Variants in LRRC63 observed in about 807,000 individuals in gnomAD.
LRRC63 encodes the protein leucine rich repeat containing 63.
LRRC63 carries 40 observed loss-of-function variants against 49.5 expected under a neutral mutation model. That is an observed-to-expected ratio of 0.81 (90% confidence interval 0.63 to 1.05). The LOEUF is 1.05. Ranked by LOEUF, LRRC63 falls within the 50% of genes least tolerant of loss-of-function variation. The pLI, the probability that LRRC63 is intolerant of heterozygous loss-of-function variation, is 0.00. For synonymous variants in LRRC63, 191 were observed against 221.1 expected (o/e 0.86, Z 1.21); for missense variants, 636 against 663.1 (o/e 0.96, Z 0.45).
At chr13:46,243,646 G>A (rs1010105008) in intron 5 of LRRC63, among the ~76,000 whole-genome samples, 8 of 152,124 alleles carry the variant, frequency 5.3e-5, no homozygotes, top group African/African-American at 1.9e-4. Context: ...AGTCAAGAAT[G>A]GTAAGACAAG....
At chr13:46,257,003 A>G (rs1410668881) in intron 7 of LRRC63, among the ~76,000 whole-genome samples, 1 of 152,248 alleles carries the variant, frequency 6.6e-6, no homozygotes, top group Admixed American at 6.5e-5. Flanking sequence ...ATCTTAAAGT[A>G]GGGAGATTAT....
At chr13:46,227,628 A>G (rs1024080934) in exon 3 of LRRC63, 13 of 1,550,086 alleles carry the variant, frequency 8.4e-6, no homozygotes, top group Non-Finnish European at 1.1e-5. Context: ...ACTAACACCT[A>G]TCAATATCCA....
intron 8 of LRRC63, among the ~76,000 whole-genome samples, chr13:46,265,021 G>A (rs930438354): frequency 2.6e-5 from 4 of 152,188 alleles, no homozygotes; most frequent in African/African-American, 7.2e-5. Context: ...GCCAGGCGTG[G>A]TGGTGGTGGA....
chr13:46,215,196 C>T (rs1267221934), intron 2 of LRRC63, among the ~76,000 whole-genome samples: 1 of 152,210 alleles, frequency 6.6e-6, no homozygotes, highest in Non-Finnish European at 1.5e-5. Flanking sequence ...ATACTGTCTT[C>T]CACAATGGTT....
rs558122272 is a variant in LRRC63, at chr13:46,266,979, A to G, written c.1550+7A>G. 156 of 1,519,790 alleles carry G rather than the reference A, an allele frequency of 1.0e-4. 1 individual carries two copies. The African/African-American group carries it at 1.8e-3, about 18-fold the overall frequency. 94.1% of individuals were successfully genotyped at this position (1,519,790 alleles called of 1,614,324 possible). On this transcript the variant is annotated splice_region_variant and intron_variant, in intron 9 of 9. Transcript: ENST00000595396. ...TTCAGAAGTTACTAAAATGGTGAGC[A>G]AATGCTGAAGCCCTTTTAACCAAAA... is the stretch of plus-strand genomic sequence containing the variant.
At chr13:46,270,375 A>G (rs1353530401) in intron 9 of LRRC63, 1 of 861,340 alleles carries the variant, frequency 1.2e-6, no homozygotes, top group Non-Finnish European at 2.0e-6. Context: ...CCTCTCTGTA[A>G]GATTTACTGC....
intron 4 of LRRC63, among the ~76,000 whole-genome samples, chr13:46,233,352 T>G (rs927656576): frequency 6.6e-6 from 1 of 152,174 alleles, no homozygotes; most frequent in Non-Finnish European, 1.5e-5. Flanking sequence ...TCTTTCTTTA[T>G]TCTGTGGTCA....
Position 46,218,050 on chromosome 13 carries a change from C to T in LRRC63, c.85+4931C>T, listed in dbSNP as rs184189259. On this transcript the variant is annotated intron_variant, in intron 2 of 9. Transcript: ENST00000595396. ...GTGGTCAATTTTCGAATAAGTGCGA[C>T]GTGGTGCTGAGAAGAATGTATATTC... 3.0e-3 allele frequency among the ~76,000 whole-genome samples: 450 copies of T among 152,046 alleles called. 2 individuals carry two copies. The highest frequency in any genetic ancestry group is 5.4e-3 in the Non-Finnish European group (365 of 67,940).
intron 8 of LRRC63, among the ~76,000 whole-genome samples, chr13:46,262,207 C>T (rs2047624954): frequency 6.6e-6 from 1 of 152,128 alleles, no homozygotes; most frequent in African/African-American, 2.4e-5. Flanking sequence ...CAGATGACTA[C>T]TTAACAGAAC....
At chr13:46,246,702 A>C (rs1047989030) in intron 6 of LRRC63, 77 bp downstream of exon 6, 1 of 669,584 alleles carries the variant, frequency 1.5e-6, no homozygotes. Context: ...ACGTCTTTTA[A>C]TACCTTGAAG....
chr13:46,271,362 G>A (rs903241500), intron 9 of LRRC63, among the ~76,000 whole-genome samples: 3 of 152,152 alleles, frequency 2.0e-5, no homozygotes, highest in African/African-American at 7.2e-5. Flanking sequence ...CGACCAAAAA[G>A]TCTAGTCCCA....
chr13:46,228,663 A>T lies in LRRC63; in HGVS notation c.764-2A>T, dbSNP rs1431489668. 4 of 1,533,528 alleles carry T rather than the reference A, an allele frequency of 2.6e-6. No individual in the cohort carries two copies. The highest frequency in any genetic ancestry group is 3.4e-4 in the Middle Eastern group (2 of 5,954). The allele number at this position is 1,533,528 out of a possible 1,614,324, so 95.0% of individuals were successfully genotyped here. A position where few individuals can be genotyped will look rare whatever the true frequency, so the allele number is the denominator to read the frequency against. ...CATCCCATTTGTTTTTCATTTTTCTAGAAACTCTTGTAACAGAAAATGGAA... is the reference window on the plus strand; with the variant it reads ...CATCCCATTTGTTTTTCATTTTTCTTGAAACTCTTGTAACAGAAAATGGAA... On this transcript the variant is annotated splice_acceptor_variant, in intron 3 of 9. Coordinates refer to ENST00000595396, the Ensembl canonical transcript of LRRC63. LOFTEE classifies it high-confidence loss of function.
chr13:46,236,842 T>G (rs1424785460), intron 5 of LRRC63, among the ~76,000 whole-genome samples: 1 of 152,196 alleles, frequency 6.6e-6, no homozygotes, highest in Non-Finnish European at 1.5e-5. Context: ...AAGACAAATG[T>G]GTAAACATAA....
exon 9 of LRRC63, chr13:46,266,873 CACA>C (rs1267282268): frequency 7.1e-6 from 11 of 1,548,718 alleles, no homozygotes; most frequent in South Asian, 2.4e-5. Context: ...TTGAATAATC[CACA>C]ACAACTTACT....
intron 9 of LRRC63, among the ~76,000 whole-genome samples, chr13:46,274,927 G>C (rs557984997): frequency 6.6e-6 from 1 of 152,106 alleles, no homozygotes; most frequent in Non-Finnish European, 1.5e-5. Context: ...CAGTGCTATA[G>C]AACACTAAAA....
chr13:46,272,737 A>C (rs1162183949), intron 9 of LRRC63, among the ~76,000 whole-genome samples: 1 of 152,248 alleles, frequency 6.6e-6, no homozygotes, highest in Admixed American at 6.5e-5. Flanking sequence ...TCATACTATA[A>C]AACATTATGA....
chr13:46,221,087 G>T (rs1019415414), intron 2 of LRRC63, among the ~76,000 whole-genome samples: 1 of 152,268 alleles, frequency 6.6e-6, no homozygotes, highest in South Asian at 2.1e-4. Flanking sequence ...TGGTAGTAAG[G>T]TTTGTGTTAT....
intron 2 of LRRC63, among the ~76,000 whole-genome samples, chr13:46,213,795 G>A (rs1299531033): frequency 6.6e-6 from 1 of 152,170 alleles, no homozygotes; most frequent in Non-Finnish European, 1.5e-5. Flanking sequence ...GTTGAAACCA[G>A]AGGTTTGCAG....
chr13:46,263,487 T>C (rs1327421860), intron 8 of LRRC63, among the ~76,000 whole-genome samples: 3 of 152,140 alleles, frequency 2.0e-5, no homozygotes, highest in Non-Finnish European at 4.4e-5. Context: ...GCTATTTGGC[T>C]ATCTTTCCTT....
Sources: allele counts gnomAD v4.1 joint callset (sites outside exome capture counted in the v4.1 genomes callset), GRCh38; gene constraint gnomAD v4.1.1; transcripts MANE v1.5; gene names NCBI Gene and HGNC (gene_info 2026-07-23, HGNC 2026-07-21).